H2BC12: variants seen among roughly 807,000 people sequenced by gnomAD.
H2BC12 encodes H2B clustered histone 12.
A neutral mutation model predicts 6.3 loss-of-function variants in H2BC12; 6 were observed. The observed-to-expected ratio is 0.95, with a 90% CI of 0.52 to 1.87. H2BC12 has a LOEUF of 1.87. Ranked by LOEUF, H2BC12 falls within the 40% of genes most tolerant of loss-of-function variation. The pLI is 0.01. For missense variants in H2BC12, 119 were observed against 178.4 expected, an observed-to-expected ratio of 0.67 and a Z score of 1.90; for synonymous variants, 132 against 78.5, an observed-to-expected ratio of 1.68 and a Z score of -3.60.
At position 27,146,539 on chromosome 6, in the gene H2BC12, C is replaced by T. The variant is rs1329514041; in HGVS notation, c.260G>A (p.Arg87His). Residue 87 changes from arginine (R) to histidine (H), a missense_variant, in exon 1 of 1, where the codon CGC (arginine) becomes CAC (histidine). Physicochemically the swap from Arg to His is conservative, Grantham distance 29. Coordinates refer to ENST00000356950, the MANE Select transcript of H2BC12 (RefSeq NM_001312653.2). Reference protein sequence around the residue: ...EASRLAHYNKRSTITSREIQT... With the variant: ...EASRLAHYNKHSTITSREIQT... The stretch of plus-strand genomic sequence containing the variant: ...GATCTCCCTGGAGGTGATGGTCGAG[C>T]GCTTGTTGTAATGCGCCAGGCGGGA... 6.2e-7 allele frequency: 1 copy of T among 1,614,222 alleles called. No homozygotes were observed. Among genetic ancestry groups the T allele is most frequent in the Non-Finnish European group, 8.5e-7 (1 of 1,180,040 alleles).
At chr6:27,141,990 G>C (rs1197915644), downstream of H2BC12, among the ~76,000 whole-genome samples, 2 of 152,118 alleles carry the variant, frequency 1.3e-5, no homozygotes, top group African/African-American at 4.8e-5. Flanking sequence ...ATCTTAATTA[G>C]TTTACTTTTA....
downstream of H2BC12, among the ~76,000 whole-genome samples, chr6:27,145,628 C>T (rs1299056632): frequency 1.3e-5 from 2 of 152,202 alleles, no homozygotes; most frequent in African/African-American, 4.8e-5. Flanking sequence ...TCTGTTGTCT[C>T]CCCTCTGAAT....
At chr6:27,145,346 CCT>C (rs1369328962), downstream of H2BC12, among the ~76,000 whole-genome samples, 4 of 140,884 alleles carry the variant, frequency 2.8e-5, no homozygotes, top group East Asian at 8.0e-4. Context: ...ACAAAATTCC[CCT>C]GTGAAACTGG....
At chr6:27,145,881 C>G (rs901246399), downstream of H2BC12, among the ~76,000 whole-genome samples, 1 of 152,096 alleles carries the variant, frequency 6.6e-6, no homozygotes, top group African/African-American at 2.4e-5. Context: ...GAGATGGAAT[C>G]AGGGGGTGAG....
chr6:27,143,633 G>C (rs1760033927), downstream of H2BC12, among the ~76,000 whole-genome samples: 1 of 150,592 alleles, frequency 6.6e-6, no homozygotes. Context: ...TAACAGCAGA[G>C]ACCAAACATA....
At chr6:27,139,792 T>C in the H2BC12 span, 1 of 1,125,336 alleles carries the variant, frequency 8.9e-7, no homozygotes, top group Non-Finnish European at 1.2e-6. Flanking sequence ...GGCTGATGAC[T>C]ACAGGTGACC....
chr6:27,141,489 C>T (rs931576696), downstream of H2BC12, among the ~76,000 whole-genome samples: 23 of 151,890 alleles, frequency 1.5e-4, no homozygotes, highest in South Asian at 6.2e-4. Flanking sequence ...CAAATTGCCC[C>T]GAACATACAC....
chr6:27,146,304 C>A, downstream of H2BC12: 1 of 1,521,994 alleles, frequency 6.6e-7, no homozygotes, highest in Non-Finnish European at 8.9e-7. Context: ...TTAAAAAGAT[C>A]GCCCGAATTT....
the H2BC12 span, among the ~76,000 whole-genome samples, chr6:27,141,212 A>C: frequency 4.6e-5 from 7 of 152,202 alleles, no homozygotes; most frequent in Admixed American, 4.6e-4. Flanking sequence ...AATGATTAAC[A>C]ATACCTAAAA....
At chr6:27,140,514 GT>G in the H2BC12 span, among the ~76,000 whole-genome samples, 1 of 151,916 alleles carries the variant, frequency 6.6e-6, no homozygotes, top group Non-Finnish European at 1.5e-5. Flanking sequence ...TCATTTCTCT[GT>G]TGATTTTTTT....
At position 27,146,426 on chromosome 6, in the gene H2BC12, C is replaced by A. The variant is rs139171375; in HGVS notation, c.373G>T (p.Ala125Ser). ...ACGCTTACTTGGCAAGTTTACTTAG[C>A]GCTGGTGTACTTGGTGACGGCCTTG... ...GTKAVTKYTS[A>S]K Residue 125 changes from alanine to serine, a missense_variant, in exon 1 of 1, where the codon GCT (alanine) becomes TCT (serine). Transcript: ENST00000356950. The A allele has an allele frequency of 1.2e-6, 2 of 1,614,240 alleles. No individual in the cohort carries two copies. The highest frequency in any genetic ancestry group is 1.7e-5 in the Admixed American group (1 of 60,026).
chr6:27,139,748 C>A, the H2BC12 span: 1 of 1,383,906 alleles, frequency 7.2e-7, no homozygotes, highest in South Asian at 1.5e-5. Context: ...GTTCTGTCAT[C>A]CTATTTTACA....
At chr6:27,139,371 G>C in the H2BC12 span, 2 of 1,614,198 alleles carry the variant, frequency 1.2e-6, no homozygotes, top group Non-Finnish European at 1.7e-6. Flanking sequence ...GCCACCGCAA[G>C]GTGCTGCGCG....
At chr6:27,139,060 TG>T in the H2BC12 span, 2 of 432,960 alleles carry the variant, frequency 4.6e-6, no homozygotes, top group African/African-American at 4.0e-5. Context: ...TTAACATTTT[TG>T]TTATGAGGCA....
chr6:27,139,971 C>CAA, the H2BC12 span: 1 of 242,242 alleles, frequency 4.1e-6, no homozygotes, highest in Non-Finnish European at 8.6e-6. Flanking sequence ...TCTGGACCTT[C>CAA]AAATACGTCT....
chr6:27,146,577 G>T lies in H2BC12; in HGVS notation c.222C>A (p.Ile74=), dbSNP rs1760087537. Residue 74 remains isoleucine (I), a synonymous_variant, in exon 1 of 1, where the codon ATC becomes ATA. Transcript: ENST00000356950. ...NSFVNDIFER[I]AGEASRLAHY... ...GCGCCAGGCGGGAAGCCTCACCCGC[G>T]ATGCGTTCGAAGATGTCGTTGACGA... The T allele has an allele frequency of 3.1e-6, 5 of 1,614,238 alleles. No homozygotes were observed. The highest frequency in any genetic ancestry group is 4.2e-6 in the Non-Finnish European group (5 of 1,180,046).
downstream of H2BC12, among the ~76,000 whole-genome samples, chr6:27,144,292 T>A (rs1448811598): frequency 6.6e-6 from 1 of 151,888 alleles, no homozygotes; most frequent in Non-Finnish European, 1.5e-5. Flanking sequence ...TGAAACCCCA[T>A]CTCTACTAAA....
chr6:27,143,599 A>G (rs1760033556), downstream of H2BC12, among the ~76,000 whole-genome samples: 1 of 150,694 alleles, frequency 6.6e-6, no homozygotes, highest in Admixed American at 6.7e-5. Flanking sequence ...TTTACTTCCA[A>G]CTTCTAGACT....
chr6:27,142,968 G>A (rs1228316596), downstream of H2BC12, among the ~76,000 whole-genome samples: 1 of 152,044 alleles, frequency 6.6e-6, no homozygotes, highest in Non-Finnish European at 1.5e-5. Context: ...TGTCTTAAGA[G>A]TAACAAACTG....
Sources: gnomAD v4.1 joint callset for allele counts (sites outside exome capture counted in the v4.1 genomes callset) on GRCh38, gnomAD v4.1.1 for gene constraint, MANE v1.5 for transcripts, NCBI Gene and HGNC (gene_info 2026-07-23, HGNC 2026-07-21) for gene names.